Variants in EPHA6 observed in about 807,000 individuals in gnomAD.
EPHA6 encodes ephrin type-A receptor 6.
Under a neutral mutation model 112.0 loss-of-function variants are expected in EPHA6, and 50 were observed. That is an observed-to-expected ratio of 0.45 (90% CI 0.36 to 0.56). EPHA6 has a LOEUF of 0.56. Among genes scored for constraint, EPHA6 ranks in the 20% least tolerant of loss-of-function variants. EPHA6 has a pLI of 0.00. For missense variants in EPHA6, 1,280 were observed against 1,417.4 expected (o/e 0.90, Z 1.56); for synonymous variants, 529 against 490.7 (o/e 1.08, Z -1.03).
At chr3:97,187,184 G>T (rs2077162943) in intron 3 of EPHA6, among the ~76,000 whole-genome samples, 2 of 152,076 alleles carry the variant, frequency 1.3e-5, no homozygotes, top group South Asian at 4.1e-4. Context: ...TGTACATACA[G>T]ATTTAAGGAT....
intron 3 of EPHA6, among the ~76,000 whole-genome samples, chr3:97,100,847 C>A (rs557638743): frequency 6.6e-6 from 1 of 151,792 alleles, no homozygotes; most frequent in African/African-American, 2.4e-5. Flanking sequence ...ATATTCTATC[C>A]TAATATTAAC....
intron 3 of EPHA6, among the ~76,000 whole-genome samples, chr3:97,152,514 G>A (rs770017618): frequency 4.6e-5 from 7 of 151,398 alleles, no homozygotes; most frequent in Admixed American, 4.6e-4. Context: ...ACACTGAAAT[G>A]CATAGAGGAG....
At chr3:97,238,505 T>C (rs2078745815) in intron 4 of EPHA6, among the ~76,000 whole-genome samples, 1 of 151,962 alleles carries the variant, frequency 6.6e-6, no homozygotes, top group Admixed American at 6.6e-5. Context: ...ATGAAAAAAA[T>C]TACTTCAGTG....
chr3:97,032,361 A>C (rs1404521497), intron 3 of EPHA6, among the ~76,000 whole-genome samples: 1 of 152,066 alleles, frequency 6.6e-6, no homozygotes, highest in East Asian at 1.9e-4. Context: ...TGACGAGTTA[A>C]TGGGTGCAGC....
At chr3:97,576,550 T>C (rs2093387424) in intron 11 of EPHA6, among the ~76,000 whole-genome samples, 2 of 152,194 alleles carry the variant, frequency 1.3e-5, no homozygotes, top group African/African-American at 4.8e-5. Flanking sequence ...GTCCTTAAGT[T>C]GTCTCAAGGT....
At chr3:97,590,691 C>A (rs1007396518) in intron 11 of EPHA6, among the ~76,000 whole-genome samples, 1 of 151,926 alleles carries the variant, frequency 6.6e-6, no homozygotes, top group African/African-American at 2.4e-5. Flanking sequence ...TCAATAAATC[C>A]ATAATCAGCT....
intron 10 of EPHA6, among the ~76,000 whole-genome samples, chr3:97,486,282 AG>A (rs1452081402): frequency 6.6e-6 from 1 of 152,204 alleles, no homozygotes; most frequent in East Asian, 1.9e-4. Flanking sequence ...CAATATGCTA[AG>A]GGTCCTTTTA....
At chr3:96,917,617 A>G (rs72916437) in intron 2 of EPHA6, among the ~76,000 whole-genome samples, 2,042 of 151,966 alleles carry the variant, frequency 0.013, 50 homozygotes, top group African/African-American at 0.045. Flanking sequence ...AACAACCACC[A>G]TTTGAGAAAA....
At chr3:97,291,047 G>C (rs372383807) in intron 5 of EPHA6, among the ~76,000 whole-genome samples, 3 of 152,098 alleles carry the variant, frequency 2.0e-5, no homozygotes, top group Admixed American at 1.3e-4. Context: ...CCTCTTAGCT[G>C]TGCTTTGGCT....
intron 5 of EPHA6, among the ~76,000 whole-genome samples, chr3:97,372,373 G>A (rs1393595546): frequency 6.6e-6 from 1 of 152,118 alleles, no homozygotes; most frequent in African/African-American, 2.4e-5. Flanking sequence ...AGTCCCTTTG[G>A]TGAGCAAGTT....
chr3:97,027,553 T>C (rs2044684529), intron 3 of EPHA6, among the ~76,000 whole-genome samples: 1 of 152,218 alleles, frequency 6.6e-6, no homozygotes, highest in South Asian at 2.1e-4. Context: ...TTGATTCTTC[T>C]TGAAGAATAC....
chr3:96,971,624 A>G (rs1278398543), intron 2 of EPHA6, among the ~76,000 whole-genome samples: 1 of 152,176 alleles, frequency 6.6e-6, no homozygotes, highest in Non-Finnish European at 1.5e-5. Context: ...ATATTAGAAT[A>G]AGAAGACTTC....
chr3:97,148,872 G>A (rs2076103355), intron 3 of EPHA6, among the ~76,000 whole-genome samples: 1 of 151,990 alleles, frequency 6.6e-6, no homozygotes, highest in South Asian at 2.1e-4. Flanking sequence ...TTGAGGGGTG[G>A]GCAAGCATAC....
chr3:97,261,050 G>A lies in EPHA6; in HGVS notation c.1606+16763G>A, dbSNP rs138458271. Among the ~76,000 whole-genome samples, 575 of 152,266 alleles carry A rather than the reference G, an allele frequency of 3.8e-3. 1 individual carries two copies. The highest frequency in any genetic ancestry group is 0.013 in the African/African-American group (537 of 41,542). The stretch of plus-strand genomic sequence containing the variant: ...GTTAATTACTATCTTGAAACAAGTA[G>A]TCTAATGTTGATTGGGAAGGGCATC... On this transcript the variant is annotated intron_variant, in intron 5 of 17. Coordinates refer to ENST00000389672, the MANE Select transcript of EPHA6 (RefSeq NM_001080448.3).
chr3:96,965,768 G>A (rs779317314), intron 2 of EPHA6, among the ~76,000 whole-genome samples: 2 of 151,980 alleles, frequency 1.3e-5, no homozygotes, highest in Non-Finnish European at 2.9e-5. Context: ...ATGTATTAAT[G>A]TATAATTTTA....
intron 14 of EPHA6, among the ~76,000 whole-genome samples, chr3:97,690,504 G>A (rs1458406507): frequency 1.4e-5 from 2 of 138,918 alleles, no homozygotes; most frequent in Non-Finnish European, 3.1e-5. Flanking sequence ...TTTCACTCTT[G>A]TTGCCCAGGC....
At chr3:97,745,322 C>G (rs1381528060) in intron 16 of EPHA6, 1 of 445,008 alleles carries the variant, frequency 2.2e-6, no homozygotes, top group South Asian at 1.6e-5. Flanking sequence ...GCTATGATAG[C>G]TTTCCAATCT....
chr3:97,711,851 G>A (rs1285498807), intron 14 of EPHA6, among the ~76,000 whole-genome samples: 1 of 152,156 alleles, frequency 6.6e-6, no homozygotes, highest in Admixed American at 6.5e-5. Flanking sequence ...GGCCAGTCAA[G>A]TTGACACATA....
chr3:97,387,182 T>C (rs1276485166), intron 5 of EPHA6, among the ~76,000 whole-genome samples: 2 of 152,258 alleles, frequency 1.3e-5, no homozygotes. Flanking sequence ...AACATTTGGC[T>C]TCTATTTACT....
Sources: gnomAD v4.1 joint callset for allele counts (sites outside exome capture counted in the v4.1 genomes callset) on GRCh38, gnomAD v4.1.1 for gene constraint, MANE v1.5 for transcripts, NCBI Gene and HGNC (gene_info 2026-07-23, HGNC 2026-07-21) for gene names.